Variants in SOBP observed in about 807,000 individuals in gnomAD.
The protein encoded by SOBP is sine oculis binding protein homolog.
In SOBP, 4 loss-of-function variants were observed where a neutral mutation model predicts 53.6. That is an observed-to-expected ratio of 0.07 (90% confidence interval 0.04 to 0.17). The LOEUF (loss-of-function observed/expected upper bound fraction) is 0.17, where lower values mean the gene tolerates loss of function less well. Ranked by LOEUF, SOBP falls within the 10% of genes least tolerant of loss-of-function variation. The pLI is 1.00. For synonymous variants in SOBP, 584 were observed against 522.6 expected (o/e 1.12, Z -1.60); for missense variants, 1,088 against 1,204.7 (o/e 0.90, Z 1.43).
At chr6:107,546,293 G>A (rs766399766) in intron 4 of SOBP, among the ~76,000 whole-genome samples, 4 of 152,216 alleles carry the variant, frequency 2.6e-5, no homozygotes, top group Admixed American at 6.5e-5. Context: ...TGTAGAGCAG[G>A]TTTTATAAGG....
At chr6:107,609,026 C>T (rs1170845805) in intron 5 of SOBP, among the ~76,000 whole-genome samples, 2 of 152,174 alleles carry the variant, frequency 1.3e-5, no homozygotes, top group Non-Finnish European at 2.9e-5. Flanking sequence ...ATGTCCCCAG[C>T]TATTCACACC....
chr6:107,570,661 C>T (rs1442882007), intron 4 of SOBP, among the ~76,000 whole-genome samples: 7 of 152,240 alleles, frequency 4.6e-5, no homozygotes, highest in East Asian at 1.9e-4. Flanking sequence ...TTTCACCTGT[C>T]CTTTCATTCT....
intron 1 of SOBP, among the ~76,000 whole-genome samples, chr6:107,491,936 GAT>G (rs1782591264): frequency 1.3e-5 from 2 of 152,160 alleles, no homozygotes; most frequent in African/African-American, 4.8e-5. Context: ...GGGACGCATG[GAT>G]ATATATCATA....
intron 3 of SOBP, among the ~76,000 whole-genome samples, chr6:107,507,195 G>A (rs1206389954): frequency 2.0e-5 from 3 of 152,192 alleles, no homozygotes; most frequent in East Asian, 3.9e-4. Context: ...TCTTCAACAC[G>A]CTTTCCTCTA....
chr6:107,634,563 G>A lies in SOBP; in HGVS notation c.1719G>A (p.Ala573=). The change falls in exon 6 of 7, where the codon GCG becomes GCA. Residue 573 remains alanine, a synonymous_variant. Coordinates refer to ENST00000317357, the MANE Select transcript of SOBP (RefSeq NM_018013.4). The surrounding 1 kb of genome is among the most constrained non-coding windows in gnomAD (Gnocchi z 4.5). ...ACGCCCCTGGCGACTCCGCGGCGGC[G>A]GGCGGCAAGCCAAGCGGACACTCCC... is the stretch of plus-strand genomic sequence containing the variant. ...IPNAPGDSAA[A]GGKPSGHSLS... 6.2e-7 allele frequency: 1 copy of A among 1,606,708 alleles called. No individual in the cohort carries two copies. The highest frequency in any genetic ancestry group is 8.5e-7 in the Non-Finnish European group (1 of 1,179,752).
intron 3 of SOBP, among the ~76,000 whole-genome samples, chr6:107,528,999 A>T (rs2114981468): frequency 6.6e-6 from 1 of 152,320 alleles, no homozygotes; most frequent in Non-Finnish European, 1.5e-5. Flanking sequence ...AAGATTAAAT[A>T]ACATTGAAAT....
chr6:107,649,311 A>G (rs1289421383), intron 6 of SOBP, among the ~76,000 whole-genome samples: 2 of 151,924 alleles, frequency 1.3e-5, no homozygotes, highest in African/African-American at 4.8e-5. Context: ...GGGAGACCCC[A>G]TTTCTACAAA....
chr6:107,581,736 T>C (rs1189111500), intron 4 of SOBP, among the ~76,000 whole-genome samples: 1 of 152,244 alleles, frequency 6.6e-6, no homozygotes, highest in Non-Finnish European at 1.5e-5. Context: ...GTCCCCATGC[T>C]TTTACCTTGA....
At chr6:107,544,726 C>T (rs1488634667) in intron 4 of SOBP, among the ~76,000 whole-genome samples, 10 of 152,308 alleles carry the variant, frequency 6.6e-5, no homozygotes, top group Admixed American at 2.0e-4. Flanking sequence ...GAAGGAATGG[C>T]GCTTTACCCA....
chr6:107,652,534 T>C (rs1190934091), intron 6 of SOBP, among the ~76,000 whole-genome samples: 2 of 152,166 alleles, frequency 1.3e-5, no homozygotes, highest in Non-Finnish European at 2.9e-5. Flanking sequence ...CTGTGAACAA[T>C]GATGAAATTA....
chr6:107,567,836 G>C (rs1784961907), intron 4 of SOBP, among the ~76,000 whole-genome samples: 1 of 152,170 alleles, frequency 6.6e-6, no homozygotes. Context: ...CTTTGCCCTG[G>C]GAGACCTGGA....
chr6:107,545,510 G>A (rs1460928475), intron 4 of SOBP, among the ~76,000 whole-genome samples: 1 of 152,184 alleles, frequency 6.6e-6, no homozygotes, highest in Admixed American at 6.5e-5. Context: ...AGCCTCGCAT[G>A]TAATTTTAGT....
rs374135685 is a variant in SOBP, at chr6:107,601,091, C to T, written c.669+13916C>T. On this transcript the variant is annotated intron_variant, in intron 5 of 6. Coordinates refer to ENST00000317357, the MANE Select transcript of SOBP (RefSeq NM_018013.4). Reference sequence around the variant, plus strand: ...CTCTCTATTGGCAATTTTCCCCAATCGGCTCAGACTCCAAGGTCTCTCCTA... The same window carrying T: ...CTCTCTATTGGCAATTTTCCCCAATTGGCTCAGACTCCAAGGTCTCTCCTA... Among the ~76,000 whole-genome samples, 102 of 152,314 alleles carry T rather than the reference C, an allele frequency of 6.7e-4. 1 individual carries two copies. The South Asian group carries it at 0.019, about 28-fold the overall frequency.
At chr6:107,504,867 A>G (rs760581910) in intron 2 of SOBP, among the ~76,000 whole-genome samples, 14 of 152,228 alleles carry the variant, frequency 9.2e-5, no homozygotes, top group Non-Finnish European at 1.6e-4. Context: ...TGAAAAATGC[A>G]AGTCATGAGT....
At chr6:107,525,622 G>A (rs953102983) in intron 3 of SOBP, among the ~76,000 whole-genome samples, 2 of 152,106 alleles carry the variant, frequency 1.3e-5, no homozygotes, top group African/African-American at 2.4e-5. Flanking sequence ...TTCTGGATTC[G>A]CAACATTTCT....
chr6:107,616,659 C>A (rs1786802641), intron 5 of SOBP, among the ~76,000 whole-genome samples: 1 of 152,176 alleles, frequency 6.6e-6, no homozygotes. Context: ...GAATAAAATT[C>A]TTAAATTGAA....
At chr6:107,530,335 G>A (rs532996483) in intron 3 of SOBP, among the ~76,000 whole-genome samples, 4 of 151,980 alleles carry the variant, frequency 2.6e-5, no homozygotes, top group African/African-American at 4.8e-5. Flanking sequence ...TTTCATTTCC[G>A]TGTTTCAGGT....
chr6:107,541,427 A>G (rs1784144181), intron 4 of SOBP, among the ~76,000 whole-genome samples: 1 of 152,224 alleles, frequency 6.6e-6, no homozygotes, highest in Non-Finnish European at 1.5e-5. Context: ...TCGAAATAGT[A>G]GAAGTTATGA....
At chr6:107,569,421 G>A (rs1359319890) in intron 4 of SOBP, among the ~76,000 whole-genome samples, 1 of 152,214 alleles carries the variant, frequency 6.6e-6, no homozygotes, top group Non-Finnish European at 1.5e-5. Flanking sequence ...TGGAAGGGAA[G>A]CCCATTCATT....
Sources: allele counts gnomAD v4.1 joint callset (sites outside exome capture counted in the v4.1 genomes callset), GRCh38; gene constraint gnomAD v4.1.1; non-coding constraint Gnocchi (gnomAD v3.1); transcripts MANE v1.5; gene names NCBI Gene and HGNC (gene_info 2026-07-23, HGNC 2026-07-21).